CCSER1: variants seen among roughly 807,000 people sequenced by gnomAD.
The protein encoded by CCSER1 is coiled-coil serine rich protein 1.
A neutral mutation model predicts 82.0 loss-of-function variants in CCSER1; 41 were observed. The ratio of observed to expected loss-of-function variants is 0.50; its 90% CI spans 0.39 to 0.65. The LOEUF (loss-of-function observed/expected upper bound fraction) is 0.65. Among genes scored for constraint, CCSER1 ranks in the 30% least tolerant of loss-of-function variants. CCSER1 has a pLI of 0.00. For synonymous variants in CCSER1, 414 were observed against 383.9 expected (o/e 1.08, Z -0.92); for missense variants, 1,119 against 1,064.2 (o/e 1.05, Z -0.72).
chr4:90,892,148 C>T (rs1723052427), intron 8 of CCSER1, among the ~76,000 whole-genome samples: 1 of 152,042 alleles, frequency 6.6e-6, no homozygotes, highest in African/African-American at 2.4e-5. Flanking sequence ...TATTTAATTA[C>T]TGGCTTCACA....
At chr4:90,136,608 A>AAGCC (rs1469092835) in intron 1 of CCSER1, among the ~76,000 whole-genome samples, 1 of 152,204 alleles carries the variant, frequency 6.6e-6, no homozygotes, top group Non-Finnish European at 1.5e-5. Context: ...TTACAAATAA[A>AAGCC]AGCCAACCAA....
Position 91,030,240 on chromosome 4 carries a change from A to G in CCSER1, c.2173-55710A>G, listed in dbSNP as rs923052513. 4.6e-5 allele frequency among the ~76,000 whole-genome samples: 7 copies of G among 152,110 alleles called. No individual in the cohort carries two copies. In the South Asian group the frequency reaches 6.2e-4, roughly 13 times the overall value. On this transcript the variant is annotated intron_variant, in intron 9 of 10. Coordinates refer to ENST00000509176, the MANE Select transcript of CCSER1 (RefSeq NM_001145065.2). Reference sequence around the variant, plus strand: ...ATCAATATAATAGGGAAAACCAAAGATGAAAAATGTAAATTGGTTGAAGAA... The same window carrying G: ...ATCAATATAATAGGGAAAACCAAAGGTGAAAAATGTAAATTGGTTGAAGAA...
At chr4:90,596,031 A>G (rs548677843) in intron 5 of CCSER1, among the ~76,000 whole-genome samples, 1 of 152,074 alleles carries the variant, frequency 6.6e-6, no homozygotes, top group South Asian at 2.1e-4. Context: ...GTCCTGATTC[A>G]GTAAGTGGTG....
intron 1 of CCSER1, among the ~76,000 whole-genome samples, chr4:90,270,969 T>C (rs546970398): frequency 3.9e-4 from 60 of 152,182 alleles, no homozygotes; most frequent in African/African-American, 1.4e-3. Flanking sequence ...AACTATAAAA[T>C]ATTGATGAAA....
intron 10 of CCSER1, among the ~76,000 whole-genome samples, chr4:91,456,172 T>C (rs1756160609): frequency 6.6e-6 from 1 of 152,078 alleles, no homozygotes; most frequent in Admixed American, 6.6e-5. Context: ...TGCAGATTGC[T>C]GACCTCATCT....
chr4:91,529,793 TC>T (rs1760934343), intron 10 of CCSER1, among the ~76,000 whole-genome samples: 1 of 152,114 alleles, frequency 6.6e-6, no homozygotes, highest in African/African-American at 2.4e-5. Flanking sequence ...GTATATGTTC[TC>T]TCCTTTATTT....
intron 10 of CCSER1, among the ~76,000 whole-genome samples, chr4:91,524,554 G>A (rs1760673788): frequency 6.6e-6 from 1 of 152,102 alleles, no homozygotes; most frequent in African/African-American, 2.4e-5. Context: ...ATCTCAATTT[G>A]ATATTAATTG....
At chr4:91,294,414 AATAAT>A (rs776987987) in intron 10 of CCSER1, among the ~76,000 whole-genome samples, 53 of 151,894 alleles carry the variant, frequency 3.5e-4, no homozygotes, top group Non-Finnish European at 6.0e-4. Context: ...CCCATTTTAA[AATAAT>A]ATGTCGAACT....
chr4:90,685,448 G>T (rs1268401992), intron 6 of CCSER1, among the ~76,000 whole-genome samples: 1 of 152,124 alleles, frequency 6.6e-6, no homozygotes, highest in Admixed American at 6.5e-5. Context: ...GATATTATTA[G>T]AGTGCCAATC....
chr4:91,547,166 T>G (rs1219782555), intron 10 of CCSER1, among the ~76,000 whole-genome samples: 3 of 152,070 alleles, frequency 2.0e-5, no homozygotes, highest in Non-Finnish European at 2.9e-5. Flanking sequence ...ATATGGCTTG[T>G]CTTGGAAAAT....
At chr4:90,579,537 CATGTAGT>C (rs1781178232) in intron 5 of CCSER1, among the ~76,000 whole-genome samples, 1 of 152,150 alleles carries the variant, frequency 6.6e-6, no homozygotes, top group African/African-American at 2.4e-5. Flanking sequence ...TAATCCACTT[CATGTAGT>C]ATCCATCTGC....
intron 10 of CCSER1, among the ~76,000 whole-genome samples, chr4:91,406,208 A>G (rs1752689035): frequency 1.3e-5 from 2 of 152,194 alleles, no homozygotes; most frequent in Admixed American, 1.3e-4. Context: ...AACTTGTACA[A>G]TAAGTAGCAT....
chr4:90,718,218 T>G (rs1303770105), intron 6 of CCSER1, among the ~76,000 whole-genome samples: 1 of 152,098 alleles, frequency 6.6e-6, no homozygotes. Flanking sequence ...AAATTTAATT[T>G]TATTAGGTCT....
intron 4 of CCSER1, among the ~76,000 whole-genome samples, chr4:90,440,895 T>TG (rs1231937883): frequency 2.0e-5 from 3 of 152,168 alleles, no homozygotes; most frequent in Non-Finnish European, 4.4e-5. Context: ...AGAAGACACT[T>TG]GCCCTATTCT....
At chr4:90,581,387 C>T (rs1412345946) in intron 5 of CCSER1, among the ~76,000 whole-genome samples, 3 of 151,982 alleles carry the variant, frequency 2.0e-5, no homozygotes, top group Non-Finnish European at 4.4e-5. Context: ...TCAGGACATT[C>T]AGTAGGAAGA....
At chr4:91,505,523 A>G (rs1044130748) in intron 10 of CCSER1, among the ~76,000 whole-genome samples, 18 of 152,176 alleles carry the variant, frequency 1.2e-4, no homozygotes, top group African/African-American at 3.9e-4. Context: ...TTACCACACT[A>G]TCTTTCAAAA....
intron 10 of CCSER1, among the ~76,000 whole-genome samples, chr4:91,164,685 T>G (rs1731837629): frequency 6.6e-6 from 1 of 152,200 alleles, no homozygotes; most frequent in Non-Finnish European, 1.5e-5. Context: ...TCATTTGATC[T>G]TCCATCACTG....
Position 90,512,003 on chromosome 4 carries a change from A to G in CCSER1, c.1724+43649A>G, listed in dbSNP as rs553313399. 7.2e-5 allele frequency among the ~76,000 whole-genome samples: 11 copies of G among 152,196 alleles called. No individual in the cohort carries two copies. In the South Asian group the frequency reaches 1.9e-3, roughly 26 times the overall value. Reference sequence around the variant, plus strand: ...CAGCTGAGAGTGAGGATGAGATAAGAGGTACTGGAGGTTTGAGAAGAGAGA... The same window carrying G: ...CAGCTGAGAGTGAGGATGAGATAAGGGGTACTGGAGGTTTGAGAAGAGAGA... On this transcript the variant is annotated intron_variant, in intron 5 of 10. Coordinates refer to ENST00000509176, the MANE Select transcript of CCSER1 (RefSeq NM_001145065.2).
intron 6 of CCSER1, among the ~76,000 whole-genome samples, chr4:90,665,531 C>T (rs1731599497): frequency 6.6e-6 from 1 of 152,020 alleles, no homozygotes; most frequent in Non-Finnish European, 1.5e-5. Context: ...CTGTGTTAGC[C>T]AGGATGGTCT....
Sources: gnomAD v4.1 joint callset for allele counts (sites outside exome capture counted in the v4.1 genomes callset) on GRCh38, gnomAD v4.1.1 for gene constraint, MANE v1.5 for transcripts, NCBI Gene and HGNC (gene_info 2026-07-23, HGNC 2026-07-21) for gene names.